Variants in TRAK1 observed in about 807,000 individuals in gnomAD.
TRAK1 encodes the protein trafficking kinesin-binding protein 1.
Under a neutral mutation model 92.1 loss-of-function variants are expected in TRAK1, and 33 were observed. The observed-to-expected ratio is 0.36, with a 90% confidence interval of 0.27 to 0.48. The LOEUF is 0.48. Among genes scored for constraint, TRAK1 ranks in the 20% least tolerant of loss-of-function variants. The probability of loss-of-function intolerance (pLI) is 0.99; values close to 1 mark genes in which losing one functional copy is unlikely to be tolerated. For missense variants in TRAK1, 1,123 were observed against 1,257.9 expected, an observed-to-expected ratio of 0.89 and a Z score of 1.62; for synonymous variants, 521 against 517.3, an observed-to-expected ratio of 1.01 and a Z score of -0.10.
chr3:42,109,323 C>G lies in TRAK1; in HGVS notation c.92-16097C>G, dbSNP rs530266271. ...ATAACTCCATCAAACCCAATAAAAT[C>G]CAGATGGTTCAAAAGGTGATTCAAA... On this transcript the variant is annotated intron_variant, in intron 1 of 15. Coordinates refer to ENST00000327628, the MANE Select transcript of TRAK1 (RefSeq NM_001042646.3). Among the ~76,000 whole-genome samples, 4 of 152,288 alleles carry G rather than the reference C, an allele frequency of 2.6e-5. No individual in the cohort carries two copies. In the East Asian group the frequency reaches 7.7e-4, roughly 29 times the overall value.
At chr3:42,093,371 A>G (rs576420914) in intron 1 of TRAK1, among the ~76,000 whole-genome samples, 1 of 152,092 alleles carries the variant, frequency 6.6e-6, no homozygotes, top group East Asian at 1.9e-4. Context: ...AATATGCTAT[A>G]AATGATTTGG....
At chr3:42,135,701 T>G (rs1697870360) in intron 2 of TRAK1, among the ~76,000 whole-genome samples, 1 of 152,252 alleles carries the variant, frequency 6.6e-6, no homozygotes, top group Non-Finnish European at 1.5e-5. Flanking sequence ...CTCGTCTGAC[T>G]AGTCATCCCT....
Position 42,043,428 on chromosome 3 carries a change from CTGACCCCTGCCCT to C in TRAK1, c.-519+29312_-519+29324del, listed in dbSNP as rs371091322. 7.7e-4 allele frequency among the ~76,000 whole-genome samples: 117 copies of C among 152,096 alleles called. 1 individual carries two copies. The highest frequency in any genetic ancestry group is 2.7e-3 in the African/African-American group (111 of 41,488). On this transcript the variant is annotated intron_variant, in intron 1 of 16. Coordinates refer to the TRAK1 transcript ENST00000487159. ...CTTTTCTCCTCCTAGTCCCCTCCTCCTGACCCCTGCCCTCCCTCTCTCCTTTTGTCTTGGGAAT... is the reference window on the plus strand; with the variant it reads ...CTTTTCTCCTCCTAGTCCCCTCCTCCCCCTCTCTCCTTTTGTCTTGGGAAT...
chr3:42,219,710 C>A, intron 15 of TRAK1, 114 bp downstream of exon 15: 1 of 1,166,110 alleles, frequency 8.6e-7, no homozygotes, highest in Non-Finnish European at 1.2e-6. Context: ...GAAAAACCAA[C>A]TGAAGCCAGT....
At chr3:42,175,992 G>A (rs545872722) in intron 2 of TRAK1, among the ~76,000 whole-genome samples, 1 of 152,174 alleles carries the variant, frequency 6.6e-6, no homozygotes, top group African/African-American at 2.4e-5. Flanking sequence ...CTTGGTGTTT[G>A]TTGAGCGGCG....
At position 42,039,709 on chromosome 3, in the gene TRAK1, G is replaced by A. The variant is rs543026756; in HGVS notation, c.-519+25592G>A. 1.8e-4 allele frequency among the ~76,000 whole-genome samples: 27 copies of A among 152,278 alleles called. No individual in the cohort carries two copies. The South Asian group carries it at 1.9e-3, about 11-fold the overall frequency. ...TTATAAATAATGCTGTGAACATTGC[G>A]TACAGGTTTTTGTGTGGATGTATAA... On this transcript the variant is annotated intron_variant, in intron 1 of 16. Transcript: ENST00000487159.
chr3:42,109,576 G>A (rs1007340735), intron 1 of TRAK1, among the ~76,000 whole-genome samples: 1 of 152,170 alleles, frequency 6.6e-6, no homozygotes, highest in African/African-American at 2.4e-5. Context: ...CGCTTTGAGT[G>A]TGCAAAATTA....
chr3:42,152,707 C>A (rs1316298891), intron 2 of TRAK1, among the ~76,000 whole-genome samples: 1 of 152,204 alleles, frequency 6.6e-6, no homozygotes, highest in Non-Finnish European at 1.5e-5. Flanking sequence ...CTTGGCTACA[C>A]TGGCCACTTT....
intron 10 of TRAK1, 52 bp from the exon 11 acceptor site, chr3:42,199,125 A>G (rs1359803573): frequency 3.6e-5 from 58 of 1,603,028 alleles, no homozygotes; most frequent in Non-Finnish European, 4.3e-5. Context: ...TTTTAGAGAC[A>G]GAGCATTTGA....
At chr3:42,060,942 T>C (rs1024007278) in intron 1 of TRAK1, among the ~76,000 whole-genome samples, 1 of 151,988 alleles carries the variant, frequency 6.6e-6, no homozygotes, top group Non-Finnish European at 1.5e-5. Flanking sequence ...TTTTTGTTGT[T>C]GTTGTTTGTT....
chr3:42,017,484 T>C (rs1200721662), intron 1 of TRAK1, among the ~76,000 whole-genome samples: 3 of 152,216 alleles, frequency 2.0e-5, no homozygotes, highest in Non-Finnish European at 4.4e-5. Context: ...TCTTCTGGCT[T>C]CTCACCTCCT....
At position 42,125,619 on chromosome 3, in the gene TRAK1, G is replaced by C; in HGVS notation, c.286+5G>C. ...AAGAGACGTTAAAATACTTCCGTAA[G>C]TAGTTGTCCATGTGTGTTGTGATGG... On this transcript the variant is annotated splice_donor_5th_base_variant and intron_variant, in intron 2 of 15. Transcript: ENST00000327628. 1 of 1,614,040 alleles carries C rather than the reference G, an allele frequency of 6.2e-7. No individual in the cohort carries two copies. The highest frequency in any genetic ancestry group is 1.1e-5 in the South Asian group (1 of 91,056).
intron 8 of TRAK1, 51 bp downstream of exon 8, chr3:42,193,256 G>C: frequency 6.2e-7 from 1 of 1,602,292 alleles, no homozygotes; most frequent in Non-Finnish European, 8.5e-7. Flanking sequence ...ATGCTGAGAC[G>C]GGGAAGGGAC....
At chr3:42,119,214 A>G (rs1367204706) in intron 1 of TRAK1, among the ~76,000 whole-genome samples, 3 of 152,236 alleles carry the variant, frequency 2.0e-5, no homozygotes, top group African/African-American at 4.8e-5. Context: ...GAAGTCATTT[A>G]TGTACTGAGA....
intron 1 of TRAK1, among the ~76,000 whole-genome samples, chr3:42,112,605 C>T (rs1443734715): frequency 3.3e-5 from 5 of 149,914 alleles, no homozygotes; most frequent in African/African-American, 9.8e-5. Flanking sequence ...CTTGTTCACA[C>T]GTACCTGTAA....
intron 10 of TRAK1, 113 bp downstream of exon 10, chr3:42,195,054 A>G (rs557979088): frequency 6.7e-6 from 9 of 1,342,334 alleles, no homozygotes; most frequent in South Asian, 1.4e-5. Context: ...TTCTCGTTGT[A>G]CAGTTCAGAT....
chr3:42,030,748 T>C (rs1702110183), intron 1 of TRAK1, among the ~76,000 whole-genome samples: 3 of 136,294 alleles, frequency 2.2e-5, no homozygotes, highest in East Asian at 2.0e-4. Flanking sequence ...ATATGTAACT[T>C]GTTGGTCAGG....
intron 1 of TRAK1, among the ~76,000 whole-genome samples, chr3:42,080,327 A>G (rs1394049764): frequency 3.3e-5 from 5 of 152,024 alleles, no homozygotes; most frequent in Non-Finnish European, 1.5e-5. Flanking sequence ...GACCTGGGCC[A>G]CCCACCCCAG....
At chr3:42,155,300 A>G (rs923301304) in intron 2 of TRAK1, among the ~76,000 whole-genome samples, 2 of 152,148 alleles carry the variant, frequency 1.3e-5, no homozygotes, top group Admixed American at 6.5e-5. Flanking sequence ...TGCCTTGTCC[A>G]TAGATAAGAG....
Sources: gnomAD v4.1 joint callset for allele counts (sites outside exome capture counted in the v4.1 genomes callset) on GRCh38, gnomAD v4.1.1 for gene constraint, MANE v1.5 for transcripts, NCBI Gene and HGNC (gene_info 2026-07-23, HGNC 2026-07-21) for gene names.